GRM7: variants seen among roughly 807,000 people sequenced by gnomAD.
GRM7 encodes the protein glutamate metabotropic receptor 7.
A neutral mutation model predicts 84.5 loss-of-function variants in GRM7; 35 were observed. That is an observed-to-expected ratio of 0.41 (90% CI 0.32 to 0.55). The LOEUF (loss-of-function observed/expected upper bound fraction) is 0.55, where lower values mean the gene tolerates loss of function less well. GRM7 is among the 20% of genes least tolerant of loss of function. GRM7 has a pLI of 0.19. For synonymous variants in GRM7, 487 were observed against 455.1 expected, an observed-to-expected ratio of 1.07 and a Z score of -0.89; for missense variants, 1,003 against 1,194.6, an observed-to-expected ratio of 0.84 and a Z score of 2.36.
intron 2 of GRM7, among the ~76,000 whole-genome samples, chr3:7,298,405 C>G (rs957973470): frequency 1.3e-5 from 2 of 152,134 alleles, no homozygotes; most frequent in African/African-American, 4.8e-5. Context: ...CCTACCTAAA[C>G]CTGCCTCCTC....
At chr3:7,129,348 G>C (rs1470453097) in intron 1 of GRM7, among the ~76,000 whole-genome samples, 2 of 152,174 alleles carry the variant, frequency 1.3e-5, no homozygotes, top group Non-Finnish European at 2.9e-5. Flanking sequence ...AGCTGCACAT[G>C]ATCAACACTT....
chr3:7,121,124 T>C (rs1312706207), intron 1 of GRM7, among the ~76,000 whole-genome samples: 2 of 152,220 alleles, frequency 1.3e-5, no homozygotes, highest in Non-Finnish European at 2.9e-5. Flanking sequence ...GAAAGAGTAT[T>C]ATCATGAGAA....
intron 2 of GRM7, among the ~76,000 whole-genome samples, chr3:7,205,686 A>G (rs544136951): frequency 3.9e-5 from 6 of 152,328 alleles, no homozygotes; most frequent in African/African-American, 1.2e-4. Flanking sequence ...ATTATGTGGT[A>G]TGGTGATTCA....
intron 4 of GRM7, among the ~76,000 whole-genome samples, chr3:7,338,945 A>G (rs1201741047): frequency 3.9e-5 from 6 of 152,048 alleles, no homozygotes; most frequent in Non-Finnish European, 5.9e-5. Flanking sequence ...GGAAAAAAAA[A>G]AAAACAATAC....
chr3:6,956,435 C>G (rs1221578572), intron 1 of GRM7: 1 of 407,486 alleles, frequency 2.5e-6, no homozygotes, highest in Non-Finnish European at 4.8e-6. Context: ...AGACCTTTCT[C>G]TCTAAGACTT....
In GRM7 at chr3:7,285,419, G is replaced by A. The variant is rs1699396075; in HGVS notation, c.737-13265G>A. On this transcript the variant is annotated intron_variant, in intron 2 of 9. Coordinates refer to ENST00000357716, the MANE Select transcript of GRM7 (RefSeq NM_000844.4). Reference sequence around the variant, plus strand: ...CCAATCAAACCTGTGTTGTTATCGTGTGTTTTATTGAATGAAGATCATACA... The same window carrying A: ...CCAATCAAACCTGTGTTGTTATCGTATGTTTTATTGAATGAAGATCATACA... Among the ~76,000 whole-genome samples, 3 of 152,170 alleles carry A rather than the reference G, an allele frequency of 2.0e-5. No homozygotes were observed. The South Asian group carries it at 6.2e-4, about 32-fold the overall frequency.
intron 4 of GRM7, among the ~76,000 whole-genome samples, chr3:7,323,066 G>A (rs73130298): frequency 0.027 from 4,100 of 152,160 alleles, 187 homozygotes; most frequent in African/African-American, 0.094. Context: ...CTGAACACAC[G>A]GTGATCTCTG....
intron 5 of GRM7, among the ~76,000 whole-genome samples, chr3:7,421,943 A>T (rs1200955428): frequency 7.3e-6 from 1 of 136,672 alleles, no homozygotes; most frequent in Non-Finnish European, 1.5e-5. Context: ...AAAAAAAAAT[A>T]GCCAGAAGTG....
At chr3:6,950,895 C>T (rs1255449410) in intron 1 of GRM7, among the ~76,000 whole-genome samples, 3 of 152,198 alleles carry the variant, frequency 2.0e-5, no homozygotes, top group Non-Finnish European at 4.4e-5. Context: ...GTTTGATAAG[C>T]CCTCTGGAAA....
intron 2 of GRM7, among the ~76,000 whole-genome samples, chr3:7,261,220 G>A (rs1396409): frequency 0.37 from 55,509 of 152,034 alleles, 12,327 homozygotes; most frequent in Admixed American, 0.51. Context: ...AGGGTCTCCT[G>A]GAGAGAGCAA....
At chr3:7,711,890 C>A (rs1312856714) in intron 9 of GRM7, among the ~76,000 whole-genome samples, 1 of 152,188 alleles carries the variant, frequency 6.6e-6, no homozygotes, top group Non-Finnish European at 1.5e-5. Flanking sequence ...TCTTTCTGTA[C>A]CCACTTGAGC....
intron 5 of GRM7, among the ~76,000 whole-genome samples, chr3:7,450,718 T>TAA (rs35663671): frequency 1.3e-5 from 2 of 151,330 alleles, no homozygotes; most frequent in African/African-American, 2.4e-5. Flanking sequence ...ATTTTATCTT[T>TAA]AAAAAAAAAT....
At chr3:6,890,871 G>C (rs886327340) in intron 1 of GRM7, among the ~76,000 whole-genome samples, 8 of 152,146 alleles carry the variant, frequency 5.3e-5, no homozygotes, top group African/African-American at 1.2e-4. Flanking sequence ...GAGTCTAAGT[G>C]TCTTTGTAGG....
intron 1 of GRM7, among the ~76,000 whole-genome samples, chr3:6,873,331 C>T (rs1326909384): frequency 1.3e-5 from 2 of 152,132 alleles, no homozygotes; most frequent in Admixed American, 1.3e-4. Context: ...TCTTGGCCTC[C>T]CAAAGTGTTG....
chr3:6,963,100 T>C (rs1693364647), intron 1 of GRM7, among the ~76,000 whole-genome samples: 2 of 152,226 alleles, frequency 1.3e-5, no homozygotes, highest in East Asian at 3.9e-4. Context: ...TGGTCTATGG[T>C]AACCCTTATT....
intron 8 of GRM7, among the ~76,000 whole-genome samples, chr3:7,662,126 T>C (rs185476029): frequency 2.0e-5 from 3 of 152,340 alleles, no homozygotes; most frequent in East Asian, 3.9e-4. Flanking sequence ...AGAATAATTA[T>C]GCTGAATGAA....
intron 1 of GRM7, among the ~76,000 whole-genome samples, chr3:7,112,234 T>C (rs1433984376): frequency 4.6e-5 from 7 of 151,592 alleles, no homozygotes; most frequent in Admixed American, 4.6e-4. Context: ...TTATGATTTT[T>C]TTTTTTTTGA....
At chr3:7,434,039 A>G (rs941877138) in intron 5 of GRM7, among the ~76,000 whole-genome samples, 3 of 152,124 alleles carry the variant, frequency 2.0e-5, no homozygotes, top group Non-Finnish European at 2.9e-5. Context: ...TAGATTGTGT[A>G]TATATTTTTG....
intron 2 of GRM7, among the ~76,000 whole-genome samples, chr3:7,253,004 G>T (rs1411850799): frequency 2.7e-5 from 3 of 109,194 alleles, no homozygotes; most frequent in Non-Finnish European, 5.3e-5. Context: ...CCAATTTCTG[G>T]CTTTTCTTAA....
Sources: gnomAD v4.1 joint callset for allele counts (sites outside exome capture counted in the v4.1 genomes callset) on GRCh38, gnomAD v4.1.1 for gene constraint, MANE v1.5 for transcripts, NCBI Gene and HGNC (gene_info 2026-07-23, HGNC 2026-07-21) for gene names.